The following LMCD1 variants were observed in gnomAD, a reference collection of about 807,000 sequenced individuals.
The protein encoded by LMCD1 is LIM and cysteine rich domains 1.
A neutral mutation model predicts 42.7 loss-of-function variants in LMCD1; 32 were observed. The observed-to-expected ratio is 0.75, with a 90% confidence interval of 0.57 to 1.01. The LOEUF (loss-of-function observed/expected upper bound fraction) is 1.01, where lower values mean the gene tolerates loss of function less well. Ranked by LOEUF, LMCD1 falls within the 50% of genes least tolerant of loss-of-function variation. The probability of loss-of-function intolerance (pLI) is 0.00; values close to 1 mark genes in which losing one functional copy is unlikely to be tolerated. For synonymous variants in LMCD1, 178 were observed against 184.9 expected, an observed-to-expected ratio of 0.96 and a Z score of 0.30; for missense variants, 458 against 483.1, an observed-to-expected ratio of 0.95 and a Z score of 0.49.
intron 3 of LMCD1, among the ~76,000 whole-genome samples, chr3:8,538,530 A>G (rs1443000874): frequency 6.6e-6 from 1 of 152,114 alleles, no homozygotes; most frequent in Admixed American, 6.5e-5. Flanking sequence ...CTCACTCCCA[A>G]CATCTCAACA....
chr3:8,555,508 A>C (rs556251341), intron 4 of LMCD1, among the ~76,000 whole-genome samples: 3 of 152,308 alleles, frequency 2.0e-5, no homozygotes, highest in African/African-American at 4.8e-5. Flanking sequence ...CCCCTGGCTC[A>C]GGCACCATGG....
intron 1 of LMCD1, 51 bp downstream of exon 1, chr3:8,502,031 C>A: frequency 6.6e-7 from 1 of 1,524,712 alleles, no homozygotes; most frequent in Non-Finnish European, 8.9e-7. Flanking sequence ...TTTCTTGTTC[C>A]CCTTCCCATC....
intron 1 of LMCD1, among the ~76,000 whole-genome samples, chr3:8,524,272 G>A (rs1694256721): frequency 1.3e-5 from 2 of 152,026 alleles, no homozygotes; most frequent in South Asian, 4.1e-4. Context: ...CCCAGGTTGG[G>A]CCCCCTCATC....
Position 8,573,209 on chromosome 3 carries a change from T to G in LMCD1, c.*5611T>G, listed in dbSNP as rs2125044138. On this transcript the variant is annotated 3_prime_UTR_variant, in exon 6 of 6. Coordinates refer to ENST00000157600, the MANE Select transcript of LMCD1 (RefSeq NM_014583.4). ...AAGATGTTTCATGTTGTAGCTTGGG[T>G]GAATTACACATTTCTGAAGCCATTA... is the stretch of plus-strand genomic sequence containing the variant. 6.6e-6 allele frequency: 1 copy of G among 152,308 alleles called. No homozygotes were observed. Among genetic ancestry groups the G allele is most frequent in the African/African-American group, 2.4e-5 (1 of 41,574 alleles). 9.4% of individuals were successfully genotyped at this position (152,308 alleles called of 1,614,324 possible).
At chr3:8,537,066 G>A in intron 2 of LMCD1, 119 bp from the exon 3 acceptor site, 4 of 1,147,870 alleles carry the variant, frequency 3.5e-6, no homozygotes, top group Non-Finnish European at 4.9e-6. Flanking sequence ...TTTGTCCGCT[G>A]CTAGTTTTTC....
chr3:8,504,958 G>A (rs1441649342), intron 1 of LMCD1, among the ~76,000 whole-genome samples: 1 of 152,144 alleles, frequency 6.6e-6, no homozygotes, highest in Non-Finnish European at 1.5e-5. Context: ...TGTGCTCTTG[G>A]GCAAGCTAAT....
At chr3:8,545,914 G>A (rs575207261) in intron 3 of LMCD1, among the ~76,000 whole-genome samples, 17 of 152,304 alleles carry the variant, frequency 1.1e-4, no homozygotes, top group African/African-American at 4.1e-4. Flanking sequence ...GGTTGGTGGA[G>A]GTCAGAAGTT....
chr3:8,553,714 A>C (rs1451067069), intron 4 of LMCD1, among the ~76,000 whole-genome samples: 4 of 152,166 alleles, frequency 2.6e-5, no homozygotes, highest in African/African-American at 9.7e-5. Context: ...AGTCCTCTGA[A>C]AGTGTTATTA....
At chr3:8,551,711 C>T (rs1322879022) in intron 4 of LMCD1, among the ~76,000 whole-genome samples, 1 of 152,182 alleles carries the variant, frequency 6.6e-6, no homozygotes, top group Admixed American at 6.5e-5. Context: ...GTGTTCCCAG[C>T]AACCCCGCCA....
At chr3:8,536,836 C>A (rs1350697353) in intron 2 of LMCD1, among the ~76,000 whole-genome samples, 1 of 152,142 alleles carries the variant, frequency 6.6e-6, no homozygotes, top group African/African-American at 2.4e-5. Flanking sequence ...AGATTGTGGG[C>A]CAAGTTTAGG....
At chr3:8,504,632 C>T (rs1031740852) in intron 1 of LMCD1, among the ~76,000 whole-genome samples, 2 of 152,240 alleles carry the variant, frequency 1.3e-5, no homozygotes, top group Non-Finnish European at 2.9e-5. Flanking sequence ...GGGCCACATA[C>T]ATACATCGTG....
chr3:8,543,777 T>A (rs1250950043), intron 3 of LMCD1, among the ~76,000 whole-genome samples: 3 of 152,218 alleles, frequency 2.0e-5, no homozygotes, highest in Non-Finnish European at 2.9e-5. Context: ...AAAGTGCTCA[T>A]TTCTAGGGCT....
intron 1 of LMCD1, among the ~76,000 whole-genome samples, chr3:8,525,357 G>A (rs1163273995): frequency 6.6e-6 from 1 of 152,116 alleles, no homozygotes; most frequent in Non-Finnish European, 1.5e-5. Context: ...TGTCATGAAT[G>A]GCATTATTCT....
intron 1 of LMCD1, among the ~76,000 whole-genome samples, chr3:8,531,871 C>T (rs957516573): frequency 6.6e-6 from 1 of 152,172 alleles, no homozygotes; most frequent in Non-Finnish European, 1.5e-5. Flanking sequence ...TAATAAAGTA[C>T]ATCCCTGTAC....
rs764560803 is a variant in LMCD1, at chr3:8,569,015, T to A, written c.*1417T>A. On this transcript the variant is annotated 3_prime_UTR_variant, in exon 6 of 6. Coordinates refer to ENST00000157600, the MANE Select transcript of LMCD1 (RefSeq NM_014583.4). Reference sequence around the variant, plus strand: ...CAGTGGTTTTCTGCTCCCAGCTCCTTTCTCTAGTCACCCTCAGTTTCCTCG... The same window carrying A: ...CAGTGGTTTTCTGCTCCCAGCTCCTATCTCTAGTCACCCTCAGTTTCCTCG... 2 of 152,220 alleles carry A rather than the reference T, an allele frequency of 1.3e-5. No homozygotes were observed. Among genetic ancestry groups the A allele is most frequent in the African/African-American group, 2.4e-5 (1 of 41,464 alleles). 9.4% of individuals were successfully genotyped at this position (152,220 alleles called of 1,614,324 possible).
rs1695221647 is a variant in LMCD1, at chr3:8,571,616, A to G, written c.*4018A>G. The G allele has an allele frequency of 6.6e-6, 1 of 152,090 alleles. No homozygotes were observed. The highest frequency in any genetic ancestry group is 1.5e-5 in the Non-Finnish European group (1 of 68,034). The allele number at this position is 152,090 out of a possible 1,614,324, so 9.4% of individuals were successfully genotyped here. A position where few individuals can be genotyped will look rare whatever the true frequency, so the allele number is the denominator to read the frequency against. ...AACGACTGGACTGAGAGAAGAGCCC[A>G]CTCCCCTTTATGTAAATTGGCTTTG... On this transcript the variant is annotated 3_prime_UTR_variant, in exon 6 of 6. Transcript: ENST00000157600.
chr3:8,536,351 C>T lies in LMCD1; in HGVS notation c.132-834C>T, dbSNP rs566123661. On this transcript the variant is annotated intron_variant, in intron 2 of 5. Coordinates refer to ENST00000157600, the MANE Select transcript of LMCD1 (RefSeq NM_014583.4). ...TCTCTTGATTTCTAAACCTTAACAG[C>T]ATGACACCAAGTAGCCACAGATTTT... Among the ~76,000 whole-genome samples, 5 of 152,336 alleles carry T rather than the reference C, an allele frequency of 3.3e-5. No homozygotes were observed. In the South Asian group the frequency reaches 1.0e-3, roughly 32 times the overall value.
intron 4 of LMCD1, chr3:8,551,169 T>C: frequency 1.0e-6 from 1 of 985,438 alleles, no homozygotes; most frequent in Non-Finnish European, 1.2e-6. Context: ...TATTATGTAA[T>C]TAGTGAATCG....
At chr3:8,546,679 A>G (rs1361133949) in intron 3 of LMCD1, among the ~76,000 whole-genome samples, 1 of 152,202 alleles carries the variant, frequency 6.6e-6, no homozygotes, top group Non-Finnish European at 1.5e-5. Context: ...GACTAGGGAG[A>G]GACCAAAGCA....
Sources: gnomAD v4.1 joint callset for allele counts (sites outside exome capture counted in the v4.1 genomes callset) on GRCh38, gnomAD v4.1.1 for gene constraint, MANE v1.5 for transcripts, NCBI Gene and HGNC (gene_info 2026-07-23, HGNC 2026-07-21) for gene names.